The following TRIM16 variants were observed in gnomAD, a reference collection of about 807,000 sequenced individuals.
TRIM16 encodes the protein tripartite motif containing 16, also known as tripartite motif-containing protein 16.
Under a neutral mutation model 50.4 loss-of-function variants are expected in TRIM16, and 33 were observed. The observed-to-expected ratio is 0.65, with a 90% CI of 0.50 to 0.88. The LOEUF (loss-of-function observed/expected upper bound fraction) is 0.88, where lower values mean the gene tolerates loss of function less well. Ranked by LOEUF, TRIM16 falls within the 40% of genes least tolerant of loss-of-function variation. The pLI is 0.00. For missense variants in TRIM16, 581 were observed against 686.8 expected (o/e 0.85, Z 1.72); for synonymous variants, 229 against 270.7 (o/e 0.85, Z 1.51).
At chr17:15,681,054 G>C (rs1989163566) in intron 3 of TRIM16, 101 bp from the exon 4 acceptor site, 5 of 1,154,532 alleles carry the variant, frequency 4.3e-6, no homozygotes, top group South Asian at 1.7e-5. Context: ...CTCTGACCTT[G>C]GCTGTCCATA....
chr17:15,653,400 T>C (rs990419805), intron 6 of TRIM16, among the ~76,000 whole-genome samples: 1 of 152,156 alleles, frequency 6.6e-6, no homozygotes, highest in Non-Finnish European at 1.5e-5. Flanking sequence ...GCATGGTGTG[T>C]GAGCTTGCCA....
Position 15,651,579 on chromosome 17 carries a change from G to A in TRIM16, c.31C>T (p.Pro11Ser), listed in dbSNP as rs371058709. 4 of 1,613,444 alleles carry A rather than the reference G, an allele frequency of 2.5e-6. No individual in the cohort carries two copies. The African/African-American group carries it at 5.3e-5, about 22-fold the overall frequency. The part of the protein sequence containing the change: MAELDLMAPG[P>S]LPRATAQPPA... Reference sequence around the variant, plus strand: ...GGCTGAGCAGTGGCCCTGGGCAGTGGCCCTGGAGCCATTAGATCCAACTCA... The same window carrying A: ...GGCTGAGCAGTGGCCCTGGGCAGTGACCCTGGAGCCATTAGATCCAACTCA... The change falls in exon 7 of 12, where the codon CCA becomes TCA. Residue 11 changes from proline (P) to serine (S), a missense_variant. This residue lies in a region of TRIM16 where 450 missense variants were observed against 544.3 expected (regional missense o/e 0.83). Coordinates refer to ENST00000649191, the MANE Select transcript of TRIM16 (RefSeq NM_001348119.1).
At chr17:15,674,622 C>T (rs1988851121) in intron 6 of TRIM16, among the ~76,000 whole-genome samples, 1 of 152,166 alleles carries the variant, frequency 6.6e-6, no homozygotes, top group Non-Finnish European at 1.5e-5. Context: ...CTCAAGCCCA[C>T]AGATCGAATG....
intron 4 of TRIM16, among the ~76,000 whole-genome samples, chr17:15,678,657 A>G (rs1989049056): frequency 6.6e-6 from 1 of 152,242 alleles, no homozygotes; most frequent in African/African-American, 2.4e-5. Context: ...CATGGCTATG[A>G]CAGCAAACAA....
intron 6 of TRIM16, among the ~76,000 whole-genome samples, chr17:15,660,456 T>C (rs1649254217): frequency 6.6e-6 from 1 of 152,174 alleles, no homozygotes; most frequent in Non-Finnish European, 1.5e-5. Flanking sequence ...GAAAACCAGA[T>C]GGTTAAACAC....
At position 15,639,048 on chromosome 17, in the gene TRIM16, T is replaced by C. The variant is rs1234248977; in HGVS notation, c.616-2779A>G. Among the ~76,000 whole-genome samples the C allele has an allele frequency of 2.3e-3, 248 of 108,642 alleles. 7 individuals carry two copies. Among genetic ancestry groups the C allele is most frequent in the African/African-American group, 8.4e-3 (154 of 18,426 alleles). The allele number at this position is 108,642 out of a possible 152,430, so 71.3% of individuals were successfully genotyped here. On this transcript the variant is annotated intron_variant, in intron 8 of 11. Coordinates refer to ENST00000649191, the MANE Select transcript of TRIM16 (RefSeq NM_001348119.1). Reference sequence around the variant, plus strand: ...AATCTCCCTACATTCTCTCTCTCTTTTTTTTTTTTTTTTTTTTTTTTTTTA... The same window carrying C: ...AATCTCCCTACATTCTCTCTCTCTTCTTTTTTTTTTTTTTTTTTTTTTTTA...
chr17:15,643,130 C>T, intron 7 of TRIM16: 2 of 1,137,178 alleles, frequency 1.8e-6, no homozygotes, highest in South Asian at 3.5e-5. Flanking sequence ...AAATAAAATC[C>T]TAAACCCCCA....
chr17:15,636,539 T>A (rs1208217089), intron 8 of TRIM16, among the ~76,000 whole-genome samples: 2 of 149,174 alleles, frequency 1.3e-5, no homozygotes, highest in East Asian at 4.0e-4. Context: ...TCCGGGATTG[T>A]TAGTCAAGTT....
chr17:15,678,412 A>G (rs1290930224), intron 4 of TRIM16, among the ~76,000 whole-genome samples: 4 of 152,092 alleles, frequency 2.6e-5, no homozygotes, highest in Non-Finnish European at 5.9e-5. Flanking sequence ...ACATTTCCCA[A>G]CCTCCTGTAG....
intron 6 of TRIM16, among the ~76,000 whole-genome samples, chr17:15,673,403 C>G (rs971727499): frequency 1.3e-5 from 2 of 152,156 alleles, no homozygotes; most frequent in Non-Finnish European, 2.9e-5. Context: ...TCAAGCTGTA[C>G]TAACACCGAC....
chr17:15,628,926 C>T lies in TRIM16; in HGVS notation c.1384G>A (p.Gly462Arg), dbSNP rs767742270. The T allele has an allele frequency of 9.3e-6, 15 of 1,614,216 alleles. No individual in the cohort carries two copies. Among genetic ancestry groups the T allele is most frequent in the African/African-American group, 1.3e-5 (1 of 75,046 alleles). ...TGGAGGCTCCAGGAGAAGTTGTTTC[C>T]GGAAATGCAACTGTTGCGCTCCTCC... ...KGEERNSCIS[G>R]NNFSWSLQWN... The change falls in exon 12 of 12, where the codon GGA (glycine) becomes AGA (arginine). Residue 462 changes from glycine to arginine, a missense_variant. This residue lies in a region of TRIM16 where 115 missense variants were observed against 106.7 expected (regional missense o/e 1.08). Coordinates refer to ENST00000649191, the MANE Select transcript of TRIM16 (RefSeq NM_001348119.1).
chr17:15,635,991 T>C, intron 9 of TRIM16, 45 bp downstream of exon 9: 1 of 1,605,454 alleles, frequency 6.2e-7, no homozygotes, highest in Non-Finnish European at 8.5e-7. Flanking sequence ...AGAGGGTGCT[T>C]CATGGGGCAG....
chr17:15,666,274 G>A (rs928651476), intron 6 of TRIM16, among the ~76,000 whole-genome samples: 1 of 151,996 alleles, frequency 6.6e-6, no homozygotes, highest in Non-Finnish European at 1.5e-5. Flanking sequence ...TAGAGATAGG[G>A]TCTCACTGTA....
At chr17:15,650,558 C>A (rs544274057) in intron 7 of TRIM16, among the ~76,000 whole-genome samples, 4 of 152,170 alleles carry the variant, frequency 2.6e-5, no homozygotes, top group Non-Finnish European at 5.9e-5. Context: ...TCTCTGCTAT[C>A]TTAGCACTTT....
intron 6 of TRIM16, among the ~76,000 whole-genome samples, chr17:15,660,156 G>A (rs894956517): frequency 6.6e-6 from 1 of 152,128 alleles, no homozygotes; most frequent in Non-Finnish European, 1.5e-5. Flanking sequence ...TTACTCAGAG[G>A]TTTGTTTTTT....
At chr17:15,655,863 C>G (rs569053446) in intron 6 of TRIM16, among the ~76,000 whole-genome samples, 26 of 152,316 alleles carry the variant, frequency 1.7e-4, no homozygotes, top group Admixed American at 5.2e-4. Flanking sequence ...TGTGAGCCAC[C>G]GCGCCCAACG....
chr17:15,651,212 G>A lies in TRIM16; in HGVS notation c.398C>T (p.Ala133Val). Residue 133 changes from alanine to valine, a missense_variant, in exon 7 of 12, where the codon GCC (alanine) becomes GTC (valine). Around this residue, in one of 3 missense-constraint regions of TRIM16, gnomAD observed 450 missense variants for 544.3 expected, o/e 0.83. Coordinates refer to ENST00000649191, the MANE Select transcript of TRIM16 (RefSeq NM_001348119.1). ...GAAGGCAGACAGTGGGCTGTGGTGG[G>A]CAGGGCAGTATCGCCAGTTGTGGTC... ...VKDHNWRYCP[A>V]HHSPLSAFCC... 1 of 1,614,208 alleles carries A rather than the reference G, an allele frequency of 6.2e-7. No homozygotes were observed. The highest frequency in any genetic ancestry group is 8.5e-7 in the Non-Finnish European group (1 of 1,180,024).
intron 8 of TRIM16, among the ~76,000 whole-genome samples, chr17:15,638,295 G>A (rs1382883745): frequency 2.7e-5 from 4 of 146,900 alleles, no homozygotes; most frequent in Non-Finnish European, 6.0e-5. Context: ...GTAGACAGCC[G>A]GGTGCGGTGG....
chr17:15,665,627 G>C lies in TRIM16; in HGVS notation c.-338+11549C>G, dbSNP rs569716565. ...TTCTCCTGGCTGCCCACATCTCAGT[G>C]GCCATTACTTTTCAGTCCAATTTTC... On this transcript the variant is annotated intron_variant, in intron 6 of 11. Coordinates refer to ENST00000649191, the MANE Select transcript of TRIM16 (RefSeq NM_001348119.1). 5.3e-5 allele frequency among the ~76,000 whole-genome samples: 8 copies of C among 152,238 alleles called. No homozygotes were observed. The South Asian group carries it at 1.7e-3, about 32-fold the overall frequency.
Sources: gnomAD v4.1 joint callset for allele counts (sites outside exome capture counted in the v4.1 genomes callset) on GRCh38, gnomAD v4.1.1 for gene constraint, gnomAD v4.1.1 regional missense constraint, MANE v1.5 for transcripts, NCBI Gene and HGNC (gene_info 2026-07-23, HGNC 2026-07-21) for gene names.